The following KIRREL1 variants were observed in gnomAD, a reference collection of about 807,000 sequenced individuals.
KIRREL1 encodes kin of IRRE-like protein 1.
In KIRREL1, 25 loss-of-function variants were observed where a neutral mutation model predicts 83.3. That is an observed-to-expected ratio of 0.30 (90% CI 0.22 to 0.42). The LOEUF is 0.42. Ranked by LOEUF, KIRREL1 falls within the 10% of genes least tolerant of loss-of-function variation. The pLI is 1.00. For missense variants in KIRREL1, 812 were observed against 1,032.3 expected, an observed-to-expected ratio of 0.79 and a Z score of 2.92; for synonymous variants, 388 against 410.4, an observed-to-expected ratio of 0.95 and a Z score of 0.66.
At chr1:158,030,275 T>A (rs570281750) in intron 1 of KIRREL1, among the ~76,000 whole-genome samples, 23 of 152,362 alleles carry the variant, frequency 1.5e-4, no homozygotes, top group African/African-American at 5.0e-4. Flanking sequence ...CTTTTGAGAA[T>A]CTTATGGAAG....
intron 5 of KIRREL1, 95 bp from the exon 6 acceptor site, chr1:158,087,660 C>A: frequency 3.7e-6 from 3 of 805,326 alleles, no homozygotes; most frequent in Non-Finnish European, 6.0e-6. Context: ...CCTAGATCCC[C>A]GCCAGAGTGG....
rs536684929 is a variant in KIRREL1, at chr1:158,089,468, T to C, written c.1045-34T>C. The C allele has an allele frequency of 4.3e-6, 7 of 1,613,056 alleles. No individual in the cohort carries two copies. In the African/African-American group the frequency reaches 9.3e-5, roughly 22 times the overall value. ...CATGGACCTAGGGGCCCAGGCCTCC[T>C]GGCTCCCCACCCGAGGCTGCTCTCT... On this transcript the variant is annotated intron_variant, in intron 8 of 14. Transcript: ENST00000359209.
intron 4 of KIRREL1, 84 bp downstream of exon 4, chr1:158,084,663 C>T (rs1661968755): frequency 7.2e-7 from 1 of 1,394,350 alleles, no homozygotes. Flanking sequence ...ACCACAGACT[C>T]AGGAGCACAC....
At chr1:158,034,129 T>C (rs2101676596) in intron 1 of KIRREL1, among the ~76,000 whole-genome samples, 1 of 151,592 alleles carries the variant, frequency 6.6e-6, no homozygotes, top group South Asian at 2.1e-4. Context: ...AAAAATTAGC[T>C]GGGCTTGGTG....
At position 158,001,376 on chromosome 1, in the gene KIRREL1, T is replaced by C. The variant is rs1477926134; in HGVS notation, c.52+7648T>C. The stretch of plus-strand genomic sequence containing the variant: ...CTCTTTCACCAAATCAGGAGAATTA[T>C]TTTTTTAATCATCAACTGTACATTA... On this transcript the variant is annotated intron_variant, in intron 1 of 14. Transcript: ENST00000359209. 2.0e-5 allele frequency among the ~76,000 whole-genome samples: 3 copies of C among 152,222 alleles called. No homozygotes were observed. In the East Asian group the frequency reaches 5.8e-4, roughly 29 times the overall value.
intron 3 of KIRREL1, among the ~76,000 whole-genome samples, chr1:158,078,779 G>GGCTCTTGGAAGCCCTGCA (rs1031598081): frequency 1.3e-5 from 2 of 152,192 alleles, no homozygotes; most frequent in Non-Finnish European, 2.9e-5. Flanking sequence ...GATGGCTGCT[G>GGCTCTTGGAAGCCCTGCA]GCTCTTGGAA....
rs1662261186 is a variant in KIRREL1 at position 158,093,502 on chromosome 1, A to C, written c.1579+56A>C. On this transcript the variant is annotated intron_variant, in intron 12 of 14. Coordinates refer to ENST00000359209, the MANE Select transcript of KIRREL1 (RefSeq NM_018240.7). ...TTCCCCTGGCTCTTCCAGGGCCATG[A>C]CAGGCAGTGCTTGGGGTGGATGGGA... is the stretch of plus-strand genomic sequence containing the variant. 1.9e-6 allele frequency: 3 copies of C among 1,604,606 alleles called. No individual in the cohort carries two copies. In the African/African-American group the frequency reaches 4.0e-5, roughly 21 times the overall value.
intron 1 of KIRREL1, among the ~76,000 whole-genome samples, chr1:158,000,386 C>A (rs962102907): frequency 6.6e-6 from 1 of 152,166 alleles, no homozygotes; most frequent in African/African-American, 2.4e-5. Context: ...TACTTTTTGC[C>A]TTGCCTTGCA....
chr1:158,079,983 G>A (rs1022069170), intron 3 of KIRREL1, among the ~76,000 whole-genome samples: 1 of 152,172 alleles, frequency 6.6e-6, no homozygotes, highest in Non-Finnish European at 1.5e-5. Flanking sequence ...TGGATGATTT[G>A]CTTTTCCTCT....
At chr1:157,995,591 T>C (rs1659172264) in intron 1 of KIRREL1, among the ~76,000 whole-genome samples, 1 of 152,122 alleles carries the variant, frequency 6.6e-6, no homozygotes, top group Non-Finnish European at 1.5e-5. Flanking sequence ...CCCTTACATG[T>C]CAGCATCATG....
rs1193637416 is a variant in KIRREL1, at chr1:158,024,253, TTTG to T, written c.52+30539_52+30541del. ...CGTGAGCCACTGCGCCCGGCCTGGTTTTGTTGTTGTTGTTGTATTTTTTTTTTT... is the reference window on the plus strand; with the variant it reads ...CGTGAGCCACTGCGCCCGGCCTGGTTTTGTTGTTGTTGTATTTTTTTTTTT... On this transcript the variant is annotated intron_variant, in intron 1 of 14. Transcript: ENST00000359209. 6.0e-5 allele frequency among the ~76,000 whole-genome samples: 8 copies of T among 134,190 alleles called. No homozygotes were observed. In the East Asian group the frequency reaches 1.7e-3, roughly 28 times the overall value. 88.0% of individuals were successfully genotyped at this position (134,190 alleles called of 152,430 possible). A position where few individuals can be genotyped will look rare whatever the true frequency, so the allele number is the denominator to read the frequency against.
intron 10 of KIRREL1, among the ~76,000 whole-genome samples, chr1:158,090,372 C>T (rs1443268715): frequency 6.6e-6 from 1 of 152,108 alleles, no homozygotes; most frequent in Non-Finnish European, 1.5e-5. Context: ...CACTCTCCTC[C>T]CTCCTTTCTC....
intron 2 of KIRREL1, among the ~76,000 whole-genome samples, chr1:158,077,720 T>C (rs567783980): frequency 1.3e-5 from 2 of 152,328 alleles, no homozygotes; most frequent in African/African-American, 4.8e-5. Flanking sequence ...TCCCCTATTA[T>C]TATGAGAGGC....
At chr1:158,024,930 T>A (rs1660125330) in intron 1 of KIRREL1, among the ~76,000 whole-genome samples, 1 of 151,954 alleles carries the variant, frequency 6.6e-6, no homozygotes, top group Non-Finnish European at 1.5e-5. Context: ...AAAAAAGAGA[T>A]CCTCCCTTCC....
chr1:158,054,212 C>CAAAAAA (rs57034495), intron 1 of KIRREL1, among the ~76,000 whole-genome samples: 3 of 85,098 alleles, frequency 3.5e-5, no homozygotes, highest in African/African-American at 5.4e-5. Flanking sequence ...GACTCCATCT[C>CAAAAAA]AAAAAAAAAA....
chr1:158,016,321 C>T (rs1659824194), intron 1 of KIRREL1, among the ~76,000 whole-genome samples: 1 of 151,258 alleles, frequency 6.6e-6, no homozygotes, highest in Admixed American at 6.6e-5. Context: ...AAAAAGAAAG[C>T]AAAGAAAATG....
rs372224823 is a variant in KIRREL1 at position 158,088,036 on chromosome 1, C to T, written c.798C>T (p.Asp266=). The part of the protein sequence containing the change: ...RWAKGGFLIE[D]AHESRYETNV... Reference sequence around the variant, plus strand: ...CCAAAGGGGGTTTCTTGATTGAAGACGCCCACGAGAGTCGCTATGAGACAA... The same window carrying T: ...CCAAAGGGGGTTTCTTGATTGAAGATGCCCACGAGAGTCGCTATGAGACAA... The change falls in exon 7 of 15, where the codon GAC becomes GAT. Residue 266 remains aspartate (D), a synonymous_variant. Coordinates refer to ENST00000359209, the MANE Select transcript of KIRREL1 (RefSeq NM_018240.7). 178 of 1,614,064 alleles carry T rather than the reference C, an allele frequency of 1.1e-4. No homozygotes were observed. Among genetic ancestry groups the T allele is most frequent in the Non-Finnish European group, 1.3e-4 (156 of 1,180,054 alleles).
intron 1 of KIRREL1, among the ~76,000 whole-genome samples, chr1:158,060,993 TC>T (rs1380563094): frequency 6.6e-6 from 1 of 152,134 alleles, no homozygotes; most frequent in Non-Finnish European, 1.5e-5. Context: ...TTCAGAGAAT[TC>T]TGCCTGTAAA....
chr1:158,037,175 T>C (rs1459461607), intron 1 of KIRREL1, among the ~76,000 whole-genome samples: 1 of 152,198 alleles, frequency 6.6e-6, no homozygotes, highest in East Asian at 1.9e-4. Flanking sequence ...CTTGGCCTAG[T>C]TGCTTCATCC....
Sources: allele counts gnomAD v4.1 joint callset (sites outside exome capture counted in the v4.1 genomes callset), GRCh38; gene constraint gnomAD v4.1.1; transcripts MANE v1.5; gene names NCBI Gene and HGNC (gene_info 2026-07-23, HGNC 2026-07-21).